Variants in DALRD3 observed in about 807,000 individuals in gnomAD.
The protein encoded by DALRD3 is DALR anticodon binding domain containing 3, also known as DALR anticodon-binding domain-containing protein 3.
In DALRD3, 47 loss-of-function variants were observed where a neutral mutation model predicts 56.7. The ratio of observed to expected loss-of-function variants is 0.83; its 90% CI spans 0.66 to 1.06. DALRD3 has a LOEUF of 1.06. Among genes scored for constraint, DALRD3 ranks in the 50% least tolerant of loss-of-function variants. DALRD3 has a pLI of 0.00. For missense variants in DALRD3, 787 were observed against 724.0 expected, an observed-to-expected ratio of 1.09 and a Z score of -1.00; for synonymous variants, 347 against 308.5, an observed-to-expected ratio of 1.12 and a Z score of -1.31.
chr3:49,018,973 T>G, upstream of DALRD3: 1 of 985,488 alleles, frequency 1.0e-6, no homozygotes, highest in Non-Finnish European at 1.2e-6. Context: ...AGTATAACAT[T>G]AAGGCCACTT....
At chr3:49,019,475 C>G (rs998806776), upstream of DALRD3, among the ~76,000 whole-genome samples, 4 of 149,838 alleles carry the variant, frequency 2.7e-5, no homozygotes, top group African/African-American at 9.8e-5. Flanking sequence ...CCAGAATTAC[C>G]AGACTTTTTT....
upstream of DALRD3, chr3:49,019,020 T>C (rs1575296982): frequency 1.0e-6 from 1 of 985,264 alleles, no homozygotes; most frequent in African/African-American, 1.7e-5. Flanking sequence ...TTAAAAAGAA[T>C]AGTGTTCCGC....
chr3:49,018,236 G>A lies in DALRD3; in HGVS notation c.248C>T (p.Ala83Val), dbSNP rs1169476426. ...CCGCTGCAGTTGGAGAGACAGACCC[G>A]CGGGGGTCGGCGCGCAGCGCAGCAC... ...APVLRCAPTP[A>V]GLSLQLQRSA... is the part of the protein sequence containing the mutation. The change falls in exon 2 of 12, where the codon GCG becomes GTG. Residue 83 changes from alanine to valine, a missense_variant. Transcript: ENST00000341949. 6 of 1,437,458 alleles carry A rather than the reference G, an allele frequency of 4.2e-6. No individual in the cohort carries two copies. Among genetic ancestry groups the A allele is most frequent in the South Asian group, 1.5e-5 (1 of 67,560 alleles). The allele number at this position is 1,437,458 out of a possible 1,614,324, so 89.0% of individuals were successfully genotyped here. A position where few individuals can be genotyped will look rare whatever the true frequency, so the allele number is the denominator to read the frequency against.
rs746750916 is a variant in DALRD3 at position 49,017,826 on chromosome 3, G to C, written c.505C>G (p.Leu169Val). 2 of 1,610,148 alleles carry C rather than the reference G, an allele frequency of 1.2e-6. No homozygotes were observed. Among genetic ancestry groups the C allele is most frequent in the Admixed American group, 3.3e-5 (2 of 59,978 alleles). ...ACCCGCAGTTGCTGCAGGAAGGTCA[G>C]CATGTGCGGATCCCGCACAGCTGGC... is the stretch of plus-strand genomic sequence containing the variant. ...LVPAVRDPHM[L>V]TFLQQLRVDW... Residue 169 changes from leucine to valine, a missense_variant, in exon 3 of 12, where the codon CTG (leucine) becomes GTG (valine). Transcript: ENST00000341949.
chr3:49,015,674 C>G lies in DALRD3; in HGVS notation c.1546G>C (p.Val516Leu), dbSNP rs1426707920. 1 of 1,613,914 alleles carries G rather than the reference C, an allele frequency of 6.2e-7. No individual in the cohort carries two copies. Among genetic ancestry groups the G allele is most frequent in the Non-Finnish European group, 8.5e-7 (1 of 1,180,014 alleles). The change falls in exon 12 of 12, where the codon GTC becomes CTC. Residue 516 changes from valine to leucine, a missense_variant. Val to Leu is a conservative substitution (Grantham distance 32). Coordinates refer to ENST00000341949, the MANE Select transcript of DALRD3 (RefSeq NM_001009996.3). ...ACAGCTCTCAGAAGCTGCAGGCGGA[C>G]GAACATCTGACCAAAGAGGTGTGGT... ...PRPHLFGQMF[V>L]RLQLLRAVRE...
At position 49,016,227 on chromosome 3, in the gene DALRD3, A is replaced by G; in HGVS notation, c.1260T>C (p.Ser420=). The G allele has an allele frequency of 6.2e-7, 1 of 1,614,174 alleles. No individual in the cohort carries two copies. The highest frequency in any genetic ancestry group is 8.5e-7 in the Non-Finnish European group (1 of 1,180,026). The change falls in exon 9 of 12, where the codon AGT becomes AGC. Residue 420 remains serine (S), a synonymous_variant. Coordinates refer to ENST00000341949, the MANE Select transcript of DALRD3 (RefSeq NM_001009996.3). ...AAGTGGGGTACAGACCTTGTTCCAT[A>G]CTACACTTGTAACTCTCAAAGAGTG... The part of the protein sequence containing the change: ...LATLFESYKC[S]MEQGLYPTFP...
At chr3:49,020,564 C>G, upstream of DALRD3, 1 of 468,468 alleles carries the variant, frequency 2.1e-6, no homozygotes, top group South Asian at 1.6e-5. Flanking sequence ...CCAAGCAGCT[C>G]AGTAAAGTAT....
At position 49,017,783 on chromosome 3, in the gene DALRD3, G is replaced by C. The variant is rs2093106028; in HGVS notation, c.548C>G (p.Ser183Trp). The C allele has an allele frequency of 1.9e-6, 3 of 1,613,530 alleles. No individual in the cohort carries two copies. In the East Asian group the frequency reaches 6.7e-5, roughly 36 times the overall value. The change falls in exon 3 of 12, where the codon TCG becomes TGG. Residue 183 changes from serine (S) to tryptophan (W), a missense_variant. Ser to Trp is a radical substitution (Grantham distance 177, BLOSUM62 -3). Transcript: ENST00000341949. ...QQLRVDWPAASERASSHTLRS... is the reference protein window; with the variant it reads ...QQLRVDWPAAWERASSHTLRS... ...CAGGGTGTGGGAGGAAGCTCTCTCC[G>C]AGGCAGCGGGCCAGTCCACCCGCAG...
upstream of DALRD3, among the ~76,000 whole-genome samples, chr3:49,019,887 C>T (rs2093137540): frequency 6.6e-6 from 1 of 152,218 alleles, no homozygotes; most frequent in African/African-American, 2.4e-5. Flanking sequence ...ATAATGCGAC[C>T]ATAATAGAAA....
Position 49,016,818 on chromosome 3 carries a change from T to C in DALRD3, c.957A>G (p.Val319=), listed in dbSNP as rs768129897. ...TCATCAGAGTGCCAGGTGCACCAGC[T>C]ACTTTCACAGGGCCACAGATGAGGT... ...QKHLICGPVK[V]AGAPGTLMTA... is the part of the protein sequence containing the mutation. Residue 319 remains valine, a synonymous_variant, in exon 6 of 12, where the codon GTA becomes GTG. Coordinates refer to ENST00000341949, the MANE Select transcript of DALRD3 (RefSeq NM_001009996.3). 1 of 1,614,220 alleles carries C rather than the reference T, an allele frequency of 6.2e-7. No homozygotes were observed. Among genetic ancestry groups the C allele is most frequent in the Admixed American group, 1.7e-5 (1 of 60,022 alleles).
Position 49,016,779 on chromosome 3 carries a change from G to A in DALRD3, c.996C>T (p.Tyr332=), listed in dbSNP as rs753509171. The stretch of plus-strand genomic sequence containing the variant: ...TTCCTCCCAGCCTCACTCACTCGTA[G>A]TACTCAGGGGCAGTCATCAGAGTGC... ...APGTLMTAPE[Y]YEFRHTQVCK... is the part of the protein sequence containing the mutation. The change falls in exon 6 of 12, where the codon TAC becomes TAT. Residue 332 remains tyrosine (Y), a synonymous_variant. Coordinates refer to ENST00000341949, the MANE Select transcript of DALRD3 (RefSeq NM_001009996.3). 3 of 1,614,184 alleles carry A rather than the reference G, an allele frequency of 1.9e-6. No individual in the cohort carries two copies. The highest frequency in any genetic ancestry group is 2.5e-6 in the Non-Finnish European group (3 of 1,180,018).
chr3:49,017,304 C>A lies in DALRD3; in HGVS notation c.851G>T (p.Ser284Ile). 1.2e-6 allele frequency: 2 copies of A among 1,614,222 alleles called. No individual in the cohort carries two copies. The highest frequency in any genetic ancestry group is 3.3e-4 in the Middle Eastern group (2 of 6,062). ...CTGTTGCTGGAACTCCTCCTCACAG[C>A]TAACAACATGTACAACCAGGCAGCC... ...TGGCLVVHVV[S>I]CEEEFQQQKL... The change falls in exon 5 of 12, where the codon AGC becomes ATC. Residue 284 changes from serine (S) to isoleucine (I), a missense_variant. Coordinates refer to ENST00000341949, the MANE Select transcript of DALRD3 (RefSeq NM_001009996.3).
At position 49,016,784 on chromosome 3, in the gene DALRD3, C is replaced by T. The variant is rs151003537; in HGVS notation, c.991G>A (p.Glu331Lys). ...CCCAGCCTCACTCACTCGTAGTACT[C>T]AGGGGCAGTCATCAGAGTGCCAGGT... ...GAPGTLMTAP[E>K]YYEFRHTQVC... The change falls in exon 6 of 12, where the codon GAG (glutamate) becomes AAG (lysine). Residue 331 changes from glutamate to lysine, a missense_variant. By Grantham distance (56) the Glu-to-Lys change is moderately conservative. Transcript: ENST00000341949. The T allele has an allele frequency of 7.4e-6, 12 of 1,614,202 alleles. No homozygotes were observed. The highest frequency in any genetic ancestry group is 8.5e-6 in the Non-Finnish European group (10 of 1,180,036).
chr3:49,017,501 A>T lies in DALRD3; in HGVS notation c.731T>A (p.Leu244His). The change falls in exon 4 of 12, where the codon CTC (leucine) becomes CAC (histidine). Residue 244 changes from leucine (L) to histidine (H), a missense_variant. Leu to His is a moderately conservative substitution (Grantham distance 99, BLOSUM62 -3). Coordinates refer to ENST00000341949, the MANE Select transcript of DALRD3 (RefSeq NM_001009996.3). ...NLDNCLVTED[L>H]LSVLAELQEA... ...TTGCAGCTCAGCCAGCACAGAGAGG[A>T]GATCCTCAGTCACTGAAAAGAGAAC... 6.2e-7 allele frequency: 1 copy of T among 1,614,148 alleles called. No individual in the cohort carries two copies. The highest frequency in any genetic ancestry group is 8.5e-7 in the Non-Finnish European group (1 of 1,180,048).
At chr3:49,016,934 A>G in intron 5 of DALRD3, 87 bp from the exon 6 acceptor site, 1 of 1,472,910 alleles carries the variant, frequency 6.8e-7, no homozygotes, top group Non-Finnish European at 9.4e-7. Flanking sequence ...GCCTCTACTC[A>G]GCCCAGACTC....
At position 49,015,630 on chromosome 3, in the gene DALRD3, A is replaced by G; in HGVS notation, c.1590T>C (p.Thr530=). Residue 530 remains threonine (T), a synonymous_variant, in exon 12 of 12, where the codon ACT becomes ACC. Transcript: ENST00000341949. ...GAGGGAGACCCAGCATAGCCAGGCC[A>G]GTATGGAGCACCTCACGCACAGCTC... The part of the protein sequence containing the change: ...LLRAVREVLH[T]GLAMLGLPPL... 1 of 1,614,124 alleles carries G rather than the reference A, an allele frequency of 6.2e-7. No homozygotes were observed. Among genetic ancestry groups the G allele is most frequent in the Non-Finnish European group, 8.5e-7 (1 of 1,180,020 alleles).
upstream of DALRD3, chr3:49,018,628 C>A (rs750546321): frequency 3.3e-5 from 49 of 1,472,572 alleles, no homozygotes; most frequent in Non-Finnish European, 4.3e-5. Flanking sequence ...CCGGAAAGGA[C>A]CGACTAGCTG....
At chr3:49,018,636 C>T, upstream of DALRD3, 7 of 1,457,842 alleles carry the variant, frequency 4.8e-6, 1 homozygote, top group Non-Finnish European at 6.3e-6. Flanking sequence ...GACCGACTAG[C>T]TGGGGCGGGG....
At position 49,018,262 on chromosome 3, in the gene DALRD3, C is replaced by A; in HGVS notation, c.222G>T (p.Pro74=). The A allele has an allele frequency of 2.1e-6, 3 of 1,442,458 alleles. No homozygotes were observed. Among genetic ancestry groups the A allele is most frequent in the Non-Finnish European group, 2.7e-6 (3 of 1,106,538 alleles). The allele number at this position is 1,442,458 out of a possible 1,614,324, so 89.4% of individuals were successfully genotyped here. A position where few individuals can be genotyped will look rare whatever the true frequency, so the allele number is the denominator to read the frequency against. The change falls in exon 2 of 12, where the codon CCG becomes CCT. Residue 74 remains proline (P), a synonymous_variant. Transcript: ENST00000341949. ...CGGGGGTCGGCGCGCAGCGCAGCACCGGGGCCACACCGGGGCCCTGCAGGC... is the reference window on the plus strand; with the variant it reads ...CGGGGGTCGGCGCGCAGCGCAGCACAGGGGCCACACCGGGGCCCTGCAGGC... ...LACLQGPGVA[P]VLRCAPTPAG...
Sources: allele counts gnomAD v4.1 joint callset (sites outside exome capture counted in the v4.1 genomes callset), GRCh38; gene constraint gnomAD v4.1.1; transcripts MANE v1.5; gene names NCBI Gene and HGNC (gene_info 2026-07-23, HGNC 2026-07-21).